The following FCRL5 variants were observed in gnomAD, a reference collection of about 807,000 sequenced individuals.
The protein encoded by FCRL5 is Fc receptor like 5, also known as Fc receptor-like protein 5.
In FCRL5, 79 loss-of-function variants were observed where a neutral mutation model predicts 92.1. The observed-to-expected ratio is 0.86, with a 90% confidence interval of 0.72 to 1.03. The LOEUF (loss-of-function observed/expected upper bound fraction) is 1.03. Ranked by LOEUF, FCRL5 falls within the 50% of genes least tolerant of loss-of-function variation. The pLI, the probability that FCRL5 is intolerant of heterozygous loss-of-function variation, is 0.00. For missense variants in FCRL5, 1,160 were observed against 1,181.1 expected (o/e 0.98, Z 0.26); for synonymous variants, 466 against 469.3 (o/e 0.99, Z 0.09).
In FCRL5 at chr1:157,527,864, C is replaced by A. The variant is rs761087920; in HGVS notation, c.1713G>T (p.Arg571Ser). The change falls in exon 9 of 17, where the codon AGG becomes AGT. Residue 571 changes from arginine to serine, a missense_variant. Arg to Ser is a moderately radical substitution (Grantham distance 110, BLOSUM62 -1). Transcript: ENST00000361835. ...CCACCACAGCCTGGGCCCTGGGAAC[C>A]CTGAGGGTGAGGATGGGGCGAGACA... is the stretch of plus-strand genomic sequence containing the variant. ...VPVSRPILTL[R>S]VPRAQAVVGD... The A allele has an allele frequency of 1.9e-6, 3 of 1,604,028 alleles. No individual in the cohort carries two copies. Among genetic ancestry groups the A allele is most frequent in the Non-Finnish European group, 2.6e-6 (3 of 1,175,128 alleles).
chr1:157,514,982 G>C lies in FCRL5; in HGVS notation c.*693C>G, dbSNP rs1186571189. On this transcript the variant is annotated 3_prime_UTR_variant, in exon 17 of 17. Transcript: ENST00000361835. ...TGGTCCTCCTGGCCTTGACTTGCTG[G>C]GTTACTTCTGTTAGGATGGGAAGAA... 6.5e-6 allele frequency: 1 copy of C among 153,860 alleles called. No individual in the cohort carries two copies. The highest frequency in any genetic ancestry group is 2.4e-5 in the African/African-American group (1 of 41,440). 9.5% of individuals were successfully genotyped at this position (153,860 alleles called of 1,614,324 possible). A position where few individuals can be genotyped will look rare whatever the true frequency, so the allele number is the denominator to read the frequency against.
chr1:157,518,909 CAAA>C, intron 13 of FCRL5, 127 bp from the exon 14 acceptor site: 1 of 636,098 alleles, frequency 1.6e-6, no homozygotes, highest in Non-Finnish European at 2.7e-6. Context: ...AAGTACATAA[CAAA>C]CTGACCATGG....
chr1:157,534,431 A>C, intron 8 of FCRL5, 183 bp downstream of exon 8: 1 of 731,972 alleles, frequency 1.4e-6, no homozygotes. Flanking sequence ...GAGCTGTTTT[A>C]GGGGTCTGGC....
At position 157,518,514 on chromosome 1, in the gene FCRL5, A is replaced by G; in HGVS notation, c.2744-17T>C. Reference sequence around the variant, plus strand: ...TAGGATTTGCTTAGAAAAAAGTTGAAGTTTCAGAGGATGCTGAGGTTCTTG... The same window carrying G: ...TAGGATTTGCTTAGAAAAAAGTTGAGGTTTCAGAGGATGCTGAGGTTCTTG... On this transcript the variant is annotated splice_polypyrimidine_tract_variant and intron_variant, in intron 14 of 16. Coordinates refer to ENST00000361835, the MANE Select transcript of FCRL5 (RefSeq NM_031281.3). 6.2e-7 allele frequency: 1 copy of G among 1,607,280 alleles called. No individual in the cohort carries two copies. The highest frequency in any genetic ancestry group is 2.2e-5 in the East Asian group (1 of 44,870).
At chr1:157,517,599 G>A (rs184976460) in intron 15 of FCRL5, among the ~76,000 whole-genome samples, 12 of 152,276 alleles carry the variant, frequency 7.9e-5, no homozygotes, top group East Asian at 7.7e-4. Context: ...GGACATGGGT[G>A]CAGGAAAGTG....
In FCRL5 at chr1:157,534,647, G is replaced by T. The variant is rs777677112; in HGVS notation, c.1648C>A (p.Gln550Lys). ...YCTADNGFGP[Q>K]RSEVVSLFVT... ...AAAAGGCTCACCACTTCACTGCGCT[G>T]GGGACCAAAGCCATTGTCAGCTGTG... The change falls in exon 8 of 17, where the codon CAG becomes AAG. Residue 550 changes from glutamine (Q) to lysine (K), a missense_variant. Physicochemically the swap from Gln to Lys is moderately conservative, Grantham distance 53. Coordinates refer to ENST00000361835, the MANE Select transcript of FCRL5 (RefSeq NM_031281.3). The T allele has an allele frequency of 1.2e-6, 2 of 1,614,166 alleles. No individual in the cohort carries two copies. The highest frequency in any genetic ancestry group is 4.5e-5 in the East Asian group (2 of 44,880).
chr1:157,530,389 A>G (rs1277171215), intron 8 of FCRL5, among the ~76,000 whole-genome samples: 1 of 152,204 alleles, frequency 6.6e-6, no homozygotes, highest in Non-Finnish European at 1.5e-5. Flanking sequence ...ATTTTGAGTC[A>G]GAGTTTCACT....
chr1:157,519,603 G>T (rs922680003), intron 13 of FCRL5, 140 bp downstream of exon 13: 2 of 847,486 alleles, frequency 2.4e-6, no homozygotes, highest in Non-Finnish European at 2.0e-6. Flanking sequence ...TATCCCCAGG[G>T]ACGTACAACA....
chr1:157,515,878 G>C lies in FCRL5; in HGVS notation c.2813-5C>G, dbSNP rs1161229789. 6.2e-7 allele frequency: 1 copy of C among 1,613,504 alleles called. No homozygotes were observed. The highest frequency in any genetic ancestry group is 8.5e-7 in the Non-Finnish European group (1 of 1,179,974). On this transcript the variant is annotated splice_polypyrimidine_tract_variant and splice_region_variant and intron_variant, in intron 15 of 16. Transcript: ENST00000361835. ...GATGCCTGGGGTCAGAGGCCACTGT[G>C]GAAAGAGGAAAGTGTTCAGTTGTGG...
chr1:157,532,729 G>A (rs769148375), intron 8 of FCRL5: 1 of 152,154 alleles, frequency 6.6e-6, no homozygotes, highest in Non-Finnish European at 1.5e-5. Context: ...GTGAGATTCT[G>A]AATTGAATTA....
rs961489426 is a variant in FCRL5 at position 157,515,606 on chromosome 1, T to C, written c.*69A>G. ...GGCAGCCTAAATCTTCCCACTTCAATGCTGCTTCTCCCCCAAGGGGAACTT... is the reference window on the plus strand; with the variant it reads ...GGCAGCCTAAATCTTCCCACTTCAACGCTGCTTCTCCCCCAAGGGGAACTT... On this transcript the variant is annotated 3_prime_UTR_variant, in exon 17 of 17. Transcript: ENST00000361835. 1.2e-6 allele frequency: 2 copies of C among 1,613,680 alleles called. No individual in the cohort carries two copies. The highest frequency in any genetic ancestry group is 2.2e-5 in the East Asian group (1 of 44,898).
chr1:157,530,426 G>C (rs1650644077), intron 8 of FCRL5, among the ~76,000 whole-genome samples: 2 of 152,184 alleles, frequency 1.3e-5, no homozygotes, highest in African/African-American at 2.4e-5. Flanking sequence ...GAGTGCAATG[G>C]CGCGATCTTG....
chr1:157,523,931 C>A, intron 10 of FCRL5: 1 of 368,188 alleles, frequency 2.7e-6, no homozygotes. Flanking sequence ...GGACAAGAAA[C>A]AGCTTAATCC....
Position 157,552,347 on chromosome 1 carries a change from T to C in FCRL5, c.16A>G (p.Ile6Val), listed in dbSNP as rs1651859642. 1 of 1,613,814 alleles carries C rather than the reference T, an allele frequency of 6.2e-7. No homozygotes were observed. Among genetic ancestry groups the C allele is most frequent in the Admixed American group, 1.7e-5 (1 of 59,984 alleles). The change falls in exon 1 of 17, where the codon ATA (isoleucine) becomes GTA (valine). Residue 6 changes from isoleucine (I) to valine (V), a missense_variant. Transcript: ENST00000361835. MLLWVILLVLAPVSGQ... is the reference protein window; with the variant it reads MLLWVVLLVLAPVSGQ... ...TTTTACTCACCCAGGACCAGTAATA[T>C]CACCCACAGCAGCATGAAGACCTGG...
At chr1:157,541,824 A>G (rs983321079) in intron 6 of FCRL5, 2 of 152,248 alleles carry the variant, frequency 1.3e-5, no homozygotes, top group African/African-American at 2.4e-5. Context: ...GGTCCATGGA[A>G]TATATGCAAT....
Position 157,539,256 on chromosome 1 carries a change from A to G in FCRL5, c.1232T>C (p.Leu411Pro). 2 of 1,614,220 alleles carry G rather than the reference A, an allele frequency of 1.2e-6. No homozygotes were observed. The highest frequency in any genetic ancestry group is 2.2e-5 in the East Asian group (1 of 44,880). ...CEAQRGSLPI[L>P]YQFHHEGAAL... ...AGCACCCTCATGATGAAACTGGTAC[A>G]GGATGGGGAGTGAACCTCTCTGGGC... is the stretch of plus-strand genomic sequence containing the variant. The change falls in exon 7 of 17, where the codon CTG becomes CCG. Residue 411 changes from leucine (L) to proline (P), a missense_variant. Transcript: ENST00000361835.
intron 7 of FCRL5, among the ~76,000 whole-genome samples, chr1:157,536,037 A>T (rs111369009): frequency 0.029 from 4,119 of 140,836 alleles, 123 homozygotes; most frequent in East Asian, 0.1. Context: ...TGCCTCCCGA[A>T]TTCAAGCAAT....
At chr1:157,540,662 C>T (rs1407414852) in intron 6 of FCRL5, among the ~76,000 whole-genome samples, 1 of 152,078 alleles carries the variant, frequency 6.6e-6, no homozygotes, top group African/African-American at 2.4e-5. Flanking sequence ...ACTTCTTTAT[C>T]TCATATCTCA....
At chr1:157,534,539 C>T in intron 8 of FCRL5, 75 bp downstream of exon 8, 1 of 1,573,090 alleles carries the variant, frequency 6.4e-7, no homozygotes, top group South Asian at 1.1e-5. Flanking sequence ...CTGGACAGTG[C>T]AAACAGATTT....
Sources: allele counts gnomAD v4.1 joint callset (sites outside exome capture counted in the v4.1 genomes callset), GRCh38; gene constraint gnomAD v4.1.1; transcripts MANE v1.5; gene names NCBI Gene and HGNC (gene_info 2026-07-23, HGNC 2026-07-21).